MPP4: variants seen among roughly 807,000 people sequenced by gnomAD.
MPP4 encodes MAGUK p55 subfamily member 4.
MPP4 carries 91 observed loss-of-function variants against 98.3 expected under a neutral mutation model. The ratio of observed to expected loss-of-function variants is 0.93; its 90% CI spans 0.78 to 1.10. The LOEUF (loss-of-function observed/expected upper bound fraction) is 1.10, where lower values mean the gene tolerates loss of function less well. Ranked by LOEUF, MPP4 falls within the 50% of genes least tolerant of loss-of-function variation. The pLI, the probability that MPP4 is intolerant of heterozygous loss-of-function variation, is 0.00. For missense variants in MPP4, 744 were observed against 792.9 expected (o/e 0.94, Z 0.74); for synonymous variants, 261 against 271.8 (o/e 0.96, Z 0.39).
At chr2:201,657,297 A>T (rs1687871069) in intron 16 of MPP4, among the ~76,000 whole-genome samples, 1 of 152,170 alleles carries the variant, frequency 6.6e-6, no homozygotes, top group South Asian at 2.1e-4. Flanking sequence ...AGTTGGACAC[A>T]TGGGTCATGA....
At chr2:201,688,530 T>C (rs532763772) in intron 4 of MPP4, among the ~76,000 whole-genome samples, 1 of 152,282 alleles carries the variant, frequency 6.6e-6, no homozygotes, top group East Asian at 1.9e-4. Flanking sequence ...ATCAGGTATA[T>C]ATCTGGGCAA....
At position 201,667,727 on chromosome 2, in the gene MPP4, T is replaced by A. The variant is rs148680319; in HGVS notation, c.1013-1355A>T. Among the ~76,000 whole-genome samples, 208 of 152,344 alleles carry A rather than the reference T, an allele frequency of 1.4e-3. 3 individuals carry two copies. The highest frequency in any genetic ancestry group is 4.7e-3 in the African/African-American group (197 of 41,582). On this transcript the variant is annotated intron_variant, in intron 12 of 21. Coordinates refer to ENST00000409474, the MANE Select transcript of MPP4 (RefSeq NM_033066.3). ...CAAAAGTACATAGTCTGTAAAAGTG[T>A]AGTCCAAAGTATAGTCTGTAGAATA...
At position 201,656,259 on chromosome 2, in the gene MPP4, G is replaced by T. The variant is rs368866347; in HGVS notation, c.1239C>A (p.Tyr413Ter). ...GTCGCTGGTACCTCACCACCTCCTC[G>T]TAAGGGGCACCCACTGCACTGTAGC... ...GSCYSAVGAP[Y>*]EEVVRYQRRP... The change falls in exon 17 of 22, where the codon TAC becomes TAA. Residue 413 changes from tyrosine to a stop codon, truncating the protein, a stop_gained. Coordinates refer to ENST00000409474, the MANE Select transcript of MPP4 (RefSeq NM_033066.3). LOFTEE classifies it high-confidence loss of function. 1 of 1,600,028 alleles carries T rather than the reference G, an allele frequency of 6.2e-7. No individual in the cohort carries two copies. Among genetic ancestry groups the T allele is most frequent in the Non-Finnish European group, 8.5e-7 (1 of 1,173,334 alleles).
chr2:201,690,364 A>C lies in MPP4; in HGVS notation c.202-85T>G, dbSNP rs1688976135. 3.6e-6 allele frequency: 3 copies of C among 840,868 alleles called. No individual in the cohort carries two copies. The Admixed American group carries it at 6.4e-5, about 18-fold the overall frequency. The allele number at this position is 840,868 out of a possible 1,614,324, so 52.1% of individuals were successfully genotyped here. ...TTTAAGACTCTCAAAGAGAAGAAAC[A>C]CCCCAGGCAACTGCACCAATGGCTG... On this transcript the variant is annotated intron_variant, in intron 3 of 21. Coordinates refer to ENST00000409474, the MANE Select transcript of MPP4 (RefSeq NM_033066.3).
At chr2:201,670,670 T>C (rs79943002) in intron 11 of MPP4, among the ~76,000 whole-genome samples, 16,221 of 151,184 alleles carry the variant, frequency 0.11, 902 homozygotes, top group East Asian at 0.2. Context: ...AAGTTTGTTT[T>C]AAAAAAAAAA....
chr2:201,678,312 G>C (rs934053747), intron 10 of MPP4, among the ~76,000 whole-genome samples: 1 of 151,972 alleles, frequency 6.6e-6, no homozygotes, highest in Non-Finnish European at 1.5e-5. Flanking sequence ...CCCAAGCTCA[G>C]GTCACCCCTT....
chr2:201,678,306 A>G (rs1157190255), intron 10 of MPP4, among the ~76,000 whole-genome samples: 4 of 152,022 alleles, frequency 2.6e-5, no homozygotes, highest in Admixed American at 6.6e-5. Context: ...TCAGCCCCCA[A>G]GCTCAGGTCA....
At chr2:201,675,167 T>C (rs745312856) in intron 11 of MPP4, 40 bp downstream of exon 11, 9 of 1,575,698 alleles carry the variant, frequency 5.7e-6, no homozygotes, top group Non-Finnish European at 7.8e-6. Context: ...TGGTCTTTAT[T>C]GCAAACAGGA....
At chr2:201,680,713 AGT>A (rs77514962) in intron 10 of MPP4, 123 bp downstream of exon 10, 289 of 765,676 alleles carry the variant, frequency 3.8e-4, no homozygotes, top group Non-Finnish European at 4.8e-4. Flanking sequence ...TTTATAAACC[AGT>A]GTGTGTGTGT....
In MPP4 at chr2:201,656,237, G is replaced by C; in HGVS notation, c.1261C>G (p.Arg421Gly). ...APYEEVVRYQ[R>G]RPSDKYRLIV... is the part of the protein sequence containing the mutation. ...AGGCGGTACTTGTCTGAAGGGCGTCGCTGGTACCTCACCACCTCCTCGTAA... is the reference window on the plus strand; with the variant it reads ...AGGCGGTACTTGTCTGAAGGGCGTCCCTGGTACCTCACCACCTCCTCGTAA... The change falls in exon 17 of 22, where the codon CGA (arginine) becomes GGA (glycine). Residue 421 changes from arginine to glycine, a missense_variant. Transcript: ENST00000409474. The C allele has an allele frequency of 6.2e-7, 1 of 1,604,658 alleles. No homozygotes were observed. Among genetic ancestry groups the C allele is most frequent in the Non-Finnish European group, 8.5e-7 (1 of 1,175,642 alleles).
intron 11 of MPP4, among the ~76,000 whole-genome samples, chr2:201,670,137 G>A (rs943746852): frequency 6.6e-6 from 1 of 152,146 alleles, no homozygotes. Flanking sequence ...AGGGAGGGAG[G>A]AAGGGAAAGA....
chr2:201,655,409 G>A (rs981050045), intron 17 of MPP4, among the ~76,000 whole-genome samples: 2 of 152,228 alleles, frequency 1.3e-5, no homozygotes, highest in Admixed American at 6.5e-5. Context: ...AACCTGTGCA[G>A]TTACACAGGG....
intron 16 of MPP4, 136 bp downstream of exon 16, chr2:201,658,341 A>G: frequency 1.4e-6 from 1 of 703,744 alleles, no homozygotes; most frequent in Non-Finnish European, 2.4e-6. Context: ...AAAAAAGGAC[A>G]GAAAGAAAAG....
intron 13 of MPP4, chr2:201,664,987 CAA>C (rs1688130374): frequency 1.2e-5 from 2 of 163,058 alleles, no homozygotes; most frequent in Non-Finnish European, 3.0e-5. Context: ...ATCTTGCTAT[CAA>C]AGAGTATGTG....
chr2:201,645,162 G>T lies in MPP4; in HGVS notation c.*48C>A, dbSNP rs369554245. On this transcript the variant is annotated 3_prime_UTR_variant, in exon 22 of 22. Transcript: ENST00000409474. ...TTGTTTTAGATTGCAACTATGGATC[G>T]CTGTATCAAGGGTACAGTGTTAAAA... The T allele has an allele frequency of 5.5e-6, 8 of 1,452,370 alleles. No homozygotes were observed. The highest frequency in any genetic ancestry group is 7.5e-6 in the Non-Finnish European group (8 of 1,073,274). 90.0% of individuals were successfully genotyped at this position (1,452,370 alleles called of 1,614,324 possible).
intron 4 of MPP4, among the ~76,000 whole-genome samples, chr2:201,687,738 T>G (rs1238542275): frequency 1.3e-5 from 2 of 152,210 alleles, no homozygotes; most frequent in Non-Finnish European, 2.9e-5. Context: ...TTTGCAGGCT[T>G]ATGAAGCTGT....
intron 8 of MPP4, 106 bp downstream of exon 8, chr2:201,682,725 A>T: frequency 1.1e-6 from 1 of 910,222 alleles, no homozygotes; most frequent in South Asian, 1.5e-5. Context: ...TGCCAAGAGA[A>T]CTTGAGTCCC....
intron 3 of MPP4, among the ~76,000 whole-genome samples, chr2:201,691,853 C>A (rs1559019756): frequency 2.6e-5 from 4 of 152,118 alleles, no homozygotes. Flanking sequence ...TTCAGGGTAC[C>A]TAAACAGAAC....
rs950248153 is a variant in MPP4, at chr2:201,647,882, G to A, written c.1585-57C>T. The A allele has an allele frequency of 6.0e-5, 90 of 1,502,780 alleles. No homozygotes were observed. In the African/African-American group the frequency reaches 1.1e-3, roughly 18 times the overall value. 93.1% of individuals were successfully genotyped at this position (1,502,780 alleles called of 1,614,324 possible). A position where few individuals can be genotyped will look rare whatever the true frequency, so the allele number is the denominator to read the frequency against. ...TTTGTTTGTTTTGTTTTGAGACATG[G>A]TCTTGCTCTGTCACCCAGGCTGGAG... On this transcript the variant is annotated intron_variant, in intron 20 of 21. Transcript: ENST00000409474.
Sources: allele counts gnomAD v4.1 joint callset (sites outside exome capture counted in the v4.1 genomes callset), GRCh38; gene constraint gnomAD v4.1.1; transcripts MANE v1.5; gene names NCBI Gene and HGNC (gene_info 2026-07-23, HGNC 2026-07-21).